GRIN2A: variants seen among roughly 807,000 people sequenced by gnomAD.
GRIN2A encodes glutamate receptor ionotropic, NMDA 2A.
A neutral mutation model predicts 113.4 loss-of-function variants in GRIN2A; 22 were observed. That is an observed-to-expected ratio of 0.19 (90% CI 0.14 to 0.28). GRIN2A has a LOEUF of 0.28. GRIN2A is among the 10% of genes least tolerant of loss of function. The probability of loss-of-function intolerance (pLI) is 1.00; values close to 1 mark genes in which losing one functional copy is unlikely to be tolerated. For synonymous variants in GRIN2A, 827 were observed against 738.4 expected, an observed-to-expected ratio of 1.12 and a Z score of -1.94; for missense variants, 1,502 against 1,887.0, an observed-to-expected ratio of 0.80 and a Z score of 3.78.
At chr16:9,901,690 C>T (rs544800905) in intron 3 of GRIN2A, among the ~76,000 whole-genome samples, 10 of 152,208 alleles carry the variant, frequency 6.6e-5, no homozygotes, top group Admixed American at 3.9e-4. Context: ...ACCTCAAATG[C>T]TCCATCTGCC....
chr16:9,965,332 G>C (rs1210241155), intron 2 of GRIN2A, among the ~76,000 whole-genome samples: 3 of 152,144 alleles, frequency 2.0e-5, no homozygotes, highest in African/African-American at 7.2e-5. Context: ...ACGGAACTTT[G>C]TTAACCATTT....
intron 2 of GRIN2A, among the ~76,000 whole-genome samples, chr16:9,964,195 G>C (rs1023705475): frequency 2.0e-5 from 3 of 152,150 alleles, no homozygotes; most frequent in African/African-American, 7.2e-5. Context: ...GGACTTGAAG[G>C]GAATCGTCAA....
intron 5 of GRIN2A, among the ~76,000 whole-genome samples, chr16:9,845,044 G>T (rs1228985554): frequency 3.9e-5 from 6 of 152,214 alleles, no homozygotes; most frequent in Non-Finnish European, 8.8e-5. Flanking sequence ...TATAGGAAAT[G>T]CAATTGATCT....
At chr16:10,076,134 A>G (rs2047868233) in intron 2 of GRIN2A, among the ~76,000 whole-genome samples, 1 of 152,160 alleles carries the variant, frequency 6.6e-6, no homozygotes, top group African/African-American at 2.4e-5. Context: ...CTCCCAGCCC[A>G]GCACCTGGGA....
intron 2 of GRIN2A, among the ~76,000 whole-genome samples, chr16:10,037,751 G>T (rs1481563699): frequency 1.3e-5 from 2 of 151,994 alleles, no homozygotes; most frequent in Admixed American, 1.3e-4. Context: ...TCAGCCTCCT[G>T]AGTATCTGAG....
Position 9,849,821 on chromosome 16 carries a change from G to A in GRIN2A, c.1263C>T (p.Asp421=), listed in dbSNP as rs781215527. ...LEEAPFVIVE[D]IDPLTETCVR... ...CACACGTCTCGGTCAGGGGGTCTAT[G>A]TCTTCCACGATGACGAATGGGGCCT... Residue 421 remains aspartate, a synonymous_variant, in exon 5 of 13, where the codon GAC becomes GAT. Coordinates refer to ENST00000330684, the MANE Select transcript of GRIN2A (RefSeq NM_001134407.3). 1.9e-6 allele frequency: 3 copies of A among 1,614,056 alleles called. No homozygotes were observed. The highest frequency in any genetic ancestry group is 2.2e-5 in the East Asian group (1 of 44,864).
rs529304630 is a variant in GRIN2A at position 10,001,501 on chromosome 16, T to C, written c.415-62950A>G. Among the ~76,000 whole-genome samples the C allele has an allele frequency of 3.3e-5, 5 of 152,328 alleles. No homozygotes were observed. The East Asian group carries it at 7.7e-4, about 23-fold the overall frequency. On this transcript the variant is annotated intron_variant, in intron 2 of 12. Transcript: ENST00000330684. ...GCTCCTTCCAACTCTCTGCCCTACA[T>C]ACCCTCTGCTGAAACTATCTTATGG...
At chr16:10,155,093 T>C (rs2049661927) in intron 2 of GRIN2A, among the ~76,000 whole-genome samples, 1 of 152,192 alleles carries the variant, frequency 6.6e-6, no homozygotes, top group Non-Finnish European at 1.5e-5. Context: ...TCTCTTAAAT[T>C]TATTTTGGCT....
At chr16:9,993,138 C>G (rs142290903) in intron 2 of GRIN2A, among the ~76,000 whole-genome samples, 43 of 152,130 alleles carry the variant, frequency 2.8e-4, no homozygotes, top group African/African-American at 9.2e-4. Flanking sequence ...GAGGCTGAGG[C>G]CCAAGAATCA....
intron 2 of GRIN2A, among the ~76,000 whole-genome samples, chr16:10,155,842 C>T (rs553774263): frequency 2.0e-5 from 3 of 152,232 alleles, no homozygotes; most frequent in South Asian, 2.1e-4. Flanking sequence ...GAAAACAGCA[C>T]GGGAAAGACC....
At position 10,045,790 on chromosome 16, in the gene GRIN2A, G is replaced by A. The variant is rs574565957; in HGVS notation, c.415-107239C>T. On this transcript the variant is annotated intron_variant, in intron 2 of 12. Transcript: ENST00000330684. Reference sequence around the variant, plus strand: ...CTTCCATGCCACCCTTTTCCAAGCTGATGGAGTCCTCATTTTGTTCAAGTG... The same window carrying A: ...CTTCCATGCCACCCTTTTCCAAGCTAATGGAGTCCTCATTTTGTTCAAGTG... 1.2e-4 allele frequency among the ~76,000 whole-genome samples: 19 copies of A among 152,346 alleles called. No individual in the cohort carries two copies. The South Asian group carries it at 3.9e-3, about 32-fold the overall frequency.
intron 2 of GRIN2A, among the ~76,000 whole-genome samples, chr16:10,087,312 T>A (rs1316053500): frequency 2.0e-5 from 3 of 152,200 alleles, no homozygotes; most frequent in Non-Finnish European, 4.4e-5. Flanking sequence ...ACAGGACTCC[T>A]CCCTACTGGA....
intron 4 of GRIN2A, among the ~76,000 whole-genome samples, chr16:9,852,419 C>T (rs748464029): frequency 6.6e-6 from 1 of 152,140 alleles, no homozygotes; most frequent in Non-Finnish European, 1.5e-5. Flanking sequence ...ACATCACAAC[C>T]CCCACACCAT....
chr16:9,841,608 G>C (rs2042680904), intron 5 of GRIN2A, among the ~76,000 whole-genome samples: 1 of 152,140 alleles, frequency 6.6e-6, no homozygotes, highest in African/African-American at 2.4e-5. Context: ...TGAAACCAAA[G>C]GGGAGAAGTG....
intron 11 of GRIN2A, among the ~76,000 whole-genome samples, chr16:9,795,426 A>G (rs959177953): frequency 2.4e-4 from 37 of 152,210 alleles, no homozygotes; most frequent in Middle Eastern, 3.2e-3. Flanking sequence ...TGTTTAGCAT[A>G]TCATCAAGAA....
At chr16:9,928,763 C>A (rs1484041008) in intron 3 of GRIN2A, among the ~76,000 whole-genome samples, 2 of 152,198 alleles carry the variant, frequency 1.3e-5, no homozygotes, top group East Asian at 3.8e-4. Context: ...CATCACCTCC[C>A]TCATCCGTCG....
intron 3 of GRIN2A, among the ~76,000 whole-genome samples, chr16:9,914,545 T>G (rs1222159068): frequency 1.3e-5 from 2 of 152,160 alleles, no homozygotes; most frequent in African/African-American, 4.8e-5. Context: ...CACAGAAAAT[T>G]TCCCAATGCA....
intron 2 of GRIN2A, among the ~76,000 whole-genome samples, chr16:10,130,739 C>G (rs545562492): frequency 3.3e-5 from 5 of 152,334 alleles, no homozygotes; most frequent in Non-Finnish European, 7.3e-5. Context: ...TCTCCTGCAA[C>G]TTCTCGTCTC....
At chr16:10,151,443 T>C (rs577657982) in intron 2 of GRIN2A, among the ~76,000 whole-genome samples, 93 of 152,252 alleles carry the variant, frequency 6.1e-4, no homozygotes, top group African/African-American at 2.1e-3. Context: ...TGGGAAACAA[T>C]GGGGCATGAA....
Sources: gnomAD v4.1 joint callset for allele counts (sites outside exome capture counted in the v4.1 genomes callset) on GRCh38, gnomAD v4.1.1 for gene constraint, MANE v1.5 for transcripts, NCBI Gene and HGNC (gene_info 2026-07-23, HGNC 2026-07-21) for gene names.